The following ATP6V0A1 variants were observed in gnomAD, a reference collection of about 807,000 sequenced individuals.
The protein encoded by ATP6V0A1 is ATPase H+ transporting V0 subunit a1.
A neutral mutation model predicts 105.4 loss-of-function variants in ATP6V0A1; 43 were observed. That is an observed-to-expected ratio of 0.41 (90% CI 0.32 to 0.53). ATP6V0A1 has a LOEUF of 0.53. Among genes scored for constraint, ATP6V0A1 ranks in the 20% least tolerant of loss-of-function variants. The pLI, the probability that ATP6V0A1 is intolerant of heterozygous loss-of-function variation, is 0.30. For missense variants in ATP6V0A1, 676 were observed against 1,051.1 expected, an observed-to-expected ratio of 0.64 and a Z score of 4.93; for synonymous variants, 362 against 372.8, an observed-to-expected ratio of 0.97 and a Z score of 0.33.
chr17:42,468,508 A>G (rs1170600110), intron 4 of ATP6V0A1, among the ~76,000 whole-genome samples: 1 of 152,132 alleles, frequency 6.6e-6, no homozygotes, highest in African/African-American at 2.4e-5. Flanking sequence ...GTTTGTCCAC[A>G]TTAACCAACC....
rs142535653 is a variant in ATP6V0A1 at position 42,480,802 on chromosome 17, G to A, written c.716+53G>A. ...TGCACAGCCATGCTGCCCAACTGTTGAGTCTTAAAGTTCACAATAGTGAAA... is the reference window on the plus strand; with the variant it reads ...TGCACAGCCATGCTGCCCAACTGTTAAGTCTTAAAGTTCACAATAGTGAAA... On this transcript the variant is annotated intron_variant, in intron 8 of 21. Transcript: ENST00000343619. 90 of 1,519,986 alleles carry A rather than the reference G, an allele frequency of 5.9e-5. 1 individual carries two copies. The African/African-American group carries it at 1.1e-3, about 18-fold the overall frequency. 94.2% of individuals were successfully genotyped at this position (1,519,986 alleles called of 1,614,324 possible). A position where few individuals can be genotyped will look rare whatever the true frequency, so the allele number is the denominator to read the frequency against.
intron 17 of ATP6V0A1, among the ~76,000 whole-genome samples, chr17:42,506,037 C>G (rs1174255291): frequency 6.6e-6 from 1 of 152,106 alleles, no homozygotes; most frequent in Non-Finnish European, 1.5e-5. Context: ...ATCTGCCTGA[C>G]TCGGCCTTCC....
intron 11 of ATP6V0A1, among the ~76,000 whole-genome samples, chr17:42,492,693 T>G (rs1598922664): frequency 1.4e-4 from 13 of 91,384 alleles, no homozygotes; most frequent in African/African-American, 2.3e-4. Flanking sequence ...GCAAAAAGAG[T>G]GAAACTCTGT....
intron 5 of ATP6V0A1, among the ~76,000 whole-genome samples, chr17:42,473,923 CTAAA>C (rs1234380978): frequency 7.9e-5 from 12 of 151,986 alleles, no homozygotes; most frequent in Non-Finnish European, 1.5e-4. Context: ...AGTCTAAACA[CTAAA>C]TGCCTGTTTT....
intron 17 of ATP6V0A1, among the ~76,000 whole-genome samples, chr17:42,505,356 C>T (rs1026313673): frequency 1.2e-4 from 19 of 152,326 alleles, no homozygotes; most frequent in Middle Eastern, 3.4e-3. Flanking sequence ...CAGGCACCCA[C>T]CACCTCCCCC....
intron 5 of ATP6V0A1, among the ~76,000 whole-genome samples, chr17:42,472,293 A>G (rs1486600581): frequency 6.6e-6 from 1 of 151,788 alleles, no homozygotes; most frequent in African/African-American, 2.4e-5. Context: ...GCCTCAAGTG[A>G]TCCATCCACC....
intron 19 of ATP6V0A1, among the ~76,000 whole-genome samples, chr17:42,512,479 C>G (rs997420621): frequency 6.6e-6 from 1 of 152,158 alleles, no homozygotes; most frequent in Admixed American, 6.5e-5. Context: ...GAGCTCTTAA[C>G]CACGGTGTTG....
Position 42,461,001 on chromosome 17 carries a change from A to G in ATP6V0A1, c.107A>G (p.Gln36Arg). 1 of 1,613,590 alleles carries G rather than the reference A, an allele frequency of 6.2e-7. No individual in the cohort carries two copies. Among genetic ancestry groups the G allele is most frequent in the South Asian group, 1.1e-5 (1 of 91,084 alleles). ...GAATTAGGAGAACTTGGAAAGGTTCAGTTTCGTGACGTAAGTAGTTGTGGG... is the reference window on the plus strand; with the variant it reads ...GAATTAGGAGAACTTGGAAAGGTTCGGTTTCGTGACGTAAGTAGTTGTGGG... ...VSELGELGKV[Q>R]FRDLNPDVNV... The change falls in exon 2 of 22, where the codon CAG becomes CGG. Residue 36 changes from glutamine (Q) to arginine (R), a missense_variant. Gln to Arg is a conservative substitution (Grantham distance 43, BLOSUM62 1). Coordinates refer to ENST00000343619, the MANE Select transcript of ATP6V0A1 (RefSeq NM_001130021.3).
At position 42,514,013 on chromosome 17, in the gene ATP6V0A1, T is replaced by C. The variant is rs768805509; in HGVS notation, c.2248+35T>C. ...TCTCTCCGGGCTCCGGAACTCTAGT[T>C]TCCCCCTCTGTGGGCGCACTGTCAG... On this transcript the variant is annotated intron_variant, in intron 20 of 21. Coordinates refer to ENST00000343619, the MANE Select transcript of ATP6V0A1 (RefSeq NM_001130021.3). The C allele has an allele frequency of 3.1e-6, 5 of 1,591,510 alleles. No individual in the cohort carries two copies. The East Asian group carries it at 6.7e-5, about 21-fold the overall frequency.
At chr17:42,476,111 C>T (rs1383829022) in intron 5 of ATP6V0A1, among the ~76,000 whole-genome samples, 2 of 152,154 alleles carry the variant, frequency 1.3e-5, no homozygotes, top group South Asian at 4.1e-4. Flanking sequence ...TGCTTGTAGT[C>T]AGCTGATTTG....
At position 42,507,702 on chromosome 17, in the gene ATP6V0A1, A is replaced by G. The variant is rs554335277; in HGVS notation, c.2112+75A>G. 5.1e-6 allele frequency: 6 copies of G among 1,171,834 alleles called. No homozygotes were observed. The South Asian group carries it at 6.1e-5, about 12-fold the overall frequency. 72.6% of individuals were successfully genotyped at this position (1,171,834 alleles called of 1,614,324 possible). ...TAGTCTTGTGTACCTAAGAGGCCTCACTCCAGTCTTCTCCTTGAAAAATAA... is the reference window on the plus strand; with the variant it reads ...TAGTCTTGTGTACCTAAGAGGCCTCGCTCCAGTCTTCTCCTTGAAAAATAA... On this transcript the variant is annotated intron_variant, in intron 18 of 21. Coordinates refer to ENST00000343619, the MANE Select transcript of ATP6V0A1 (RefSeq NM_001130021.3).
chr17:42,494,619 CAT>C, intron 12 of ATP6V0A1, 146 bp downstream of exon 12: 2 of 999,344 alleles, frequency 2.0e-6, no homozygotes, highest in Non-Finnish European at 2.8e-6. Context: ...CCAAAGACGA[CAT>C]GTGCAAGCTG....
intron 9 of ATP6V0A1, among the ~76,000 whole-genome samples, chr17:42,485,700 G>A (rs1346965623): frequency 1.3e-5 from 2 of 152,114 alleles, no homozygotes; most frequent in Admixed American, 6.6e-5. Flanking sequence ...ACAGGTGCCT[G>A]CTGCCATGCC....
At chr17:42,481,342 A>G (rs2145856688) in intron 8 of ATP6V0A1, 1 of 149,474 alleles carries the variant, frequency 6.7e-6, no homozygotes, top group South Asian at 2.1e-4. Flanking sequence ...CAGCCACCCG[A>G]GTAGTTGGGA....
chr17:42,472,829 A>G (rs1157588481), intron 5 of ATP6V0A1, among the ~76,000 whole-genome samples: 2 of 152,238 alleles, frequency 1.3e-5, no homozygotes, highest in Non-Finnish European at 2.9e-5. Flanking sequence ...TTTTCAAACA[A>G]CAGCAGCAGA....
At chr17:42,486,804 C>T (rs920958180) in intron 9 of ATP6V0A1, among the ~76,000 whole-genome samples, 1 of 152,164 alleles carries the variant, frequency 6.6e-6, no homozygotes, top group African/African-American at 2.4e-5. Context: ...GCTTGTGATG[C>T]CTACTGAGTT....
chr17:42,499,537 A>G (rs1336505709), intron 15 of ATP6V0A1, among the ~76,000 whole-genome samples: 2 of 152,068 alleles, frequency 1.3e-5, no homozygotes, highest in Non-Finnish European at 2.9e-5. Context: ...CTTGTAATCC[A>G]GCACTTTGGG....
At chr17:42,506,593 A>G (rs562936556) in intron 17 of ATP6V0A1, among the ~76,000 whole-genome samples, 5 of 152,362 alleles carry the variant, frequency 3.3e-5, no homozygotes, top group African/African-American at 1.2e-4. Context: ...CCCCCTGGAC[A>G]GAAACCATAT....
chr17:42,487,929 A>G (rs142981051), intron 10 of ATP6V0A1, among the ~76,000 whole-genome samples: 2 of 152,272 alleles, frequency 1.3e-5, no homozygotes, highest in Admixed American at 1.3e-4. Context: ...TGCAGTTCAG[A>G]GAGCTGAAAT....
Sources: allele counts gnomAD v4.1 joint callset (sites outside exome capture counted in the v4.1 genomes callset), GRCh38; gene constraint gnomAD v4.1.1; transcripts MANE v1.5; gene names NCBI Gene and HGNC (gene_info 2026-07-23, HGNC 2026-07-21).